The following PCDH15 variants were observed in gnomAD, a reference collection of about 807,000 sequenced individuals.
PCDH15 encodes protocadherin related 15.
PCDH15 carries 129 observed loss-of-function variants against 178.5 expected under a neutral mutation model. The observed-to-expected ratio is 0.72, with a 90% CI of 0.63 to 0.84. The LOEUF (loss-of-function observed/expected upper bound fraction) is 0.84. PCDH15 is among the 40% of genes least tolerant of loss of function. The pLI is 0.00. For missense variants in PCDH15, 2,230 were observed against 2,099.9 expected, an observed-to-expected ratio of 1.06 and a Z score of -1.21; for synonymous variants, 800 against 732.0, an observed-to-expected ratio of 1.09 and a Z score of -1.50.
chr10:54,879,749 A>G (rs759188944), intron 3 of PCDH15, among the ~76,000 whole-genome samples: 2 of 151,650 alleles, frequency 1.3e-5, no homozygotes, highest in African/African-American at 4.8e-5. Flanking sequence ...ATTATTATAT[A>G]TAACCAACAT....
At chr10:55,602,855 T>G (rs1843120147) in intron 2 of PCDH15, among the ~76,000 whole-genome samples, 1 of 152,112 alleles carries the variant, frequency 6.6e-6, no homozygotes, top group Non-Finnish European at 1.5e-5. Context: ...AGGAACACAG[T>G]TCCTCACCAG....
intron 3 of PCDH15, among the ~76,000 whole-genome samples, chr10:54,428,436 C>A (rs9415322): frequency 0.2 from 30,705 of 152,140 alleles, 3,814 homozygotes; most frequent in African/African-American, 0.35. Context: ...ACATAAACTA[C>A]ACATTATTCA....
intron 2 of PCDH15, among the ~76,000 whole-genome samples, chr10:54,563,275 T>C (rs559250299): frequency 1.9e-4 from 12 of 64,856 alleles, no homozygotes; most frequent in Non-Finnish European, 3.3e-4. Flanking sequence ...CTGAGTCTAC[T>C]GTTACCATAA....
intron 2 of PCDH15, among the ~76,000 whole-genome samples, chr10:55,153,708 C>G (rs1018720624): frequency 2.6e-5 from 4 of 152,072 alleles, no homozygotes; most frequent in Admixed American, 1.3e-4. Context: ...ATTTGTCTTC[C>G]ACAAAACCAG....
chr10:54,352,963 G>C (rs143435794), intron 5 of PCDH15, among the ~76,000 whole-genome samples: 3 of 152,170 alleles, frequency 2.0e-5, no homozygotes, highest in African/African-American at 7.2e-5. Flanking sequence ...TTTAGAAATG[G>C]TAAATTTAGA....
intron 1 of PCDH15, among the ~76,000 whole-genome samples, chr10:55,227,967 C>T (rs1351674226): frequency 7.2e-5 from 11 of 152,040 alleles, no homozygotes; most frequent in Non-Finnish European, 2.9e-5. Context: ...ACTGTTTGTC[C>T]TGGGGTATGC....
intron 2 of PCDH15, among the ~76,000 whole-genome samples, chr10:55,031,414 C>T (rs866815333): frequency 1.3e-5 from 2 of 152,200 alleles, no homozygotes; most frequent in Middle Eastern, 3.4e-3. Flanking sequence ...AGAAATTTAT[C>T]ATCTCATATA....
intron 1 of PCDH15, among the ~76,000 whole-genome samples, chr10:55,276,893 C>G (rs934243383): frequency 6.6e-6 from 1 of 151,944 alleles, no homozygotes; most frequent in Non-Finnish European, 1.5e-5. Context: ...TTTCTTACTT[C>G]CAATGAACTC....
intron 2 of PCDH15, among the ~76,000 whole-genome samples, chr10:55,596,675 T>G (rs1842941226): frequency 6.6e-6 from 1 of 152,192 alleles, no homozygotes; most frequent in African/African-American, 2.4e-5. Flanking sequence ...TGTATTTTAA[T>G]GTACGTTTTT....
chr10:54,459,090 A>G (rs952800414), intron 3 of PCDH15, among the ~76,000 whole-genome samples: 1 of 152,076 alleles, frequency 6.6e-6, no homozygotes. Flanking sequence ...TGGTGTATCT[A>G]CATGGTGCTA....
chr10:53,864,961 C>T (rs1345787639), intron 27 of PCDH15, among the ~76,000 whole-genome samples: 2 of 152,000 alleles, frequency 1.3e-5, no homozygotes, highest in Non-Finnish European at 2.9e-5. Flanking sequence ...TATAGCTAGG[C>T]ATGGTGGTGA....
intron 2 of PCDH15, among the ~76,000 whole-genome samples, chr10:55,351,499 A>G (rs1844932762): frequency 6.6e-6 from 1 of 152,118 alleles, no homozygotes; most frequent in Non-Finnish European, 1.5e-5. Context: ...ATAATAAATA[A>G]GCCTTCTCTA....
chr10:54,119,817 G>A (rs1238932823), intron 15 of PCDH15, among the ~76,000 whole-genome samples: 3 of 151,920 alleles, frequency 2.0e-5, no homozygotes, highest in Non-Finnish European at 4.4e-5. Context: ...TACATGTGCA[G>A]AACATGCAGG....
At chr10:55,316,945 A>G (rs1388857658) in intron 1 of PCDH15, among the ~76,000 whole-genome samples, 1 of 152,150 alleles carries the variant, frequency 6.6e-6, no homozygotes, top group Non-Finnish European at 1.5e-5. Context: ...ATCTGACTAG[A>G]TTCTAAATCT....
chr10:54,189,545 G>A (rs1040975652), intron 11 of PCDH15, among the ~76,000 whole-genome samples: 5 of 152,062 alleles, frequency 3.3e-5, no homozygotes, highest in South Asian at 4.2e-4. Flanking sequence ...ATGGAATAAC[G>A]ATATTTATGA....
chr10:54,752,538 AC>A (rs1566128962), intron 1 of PCDH15, among the ~76,000 whole-genome samples: 4 of 134,382 alleles, frequency 3.0e-5, no homozygotes, highest in South Asian at 2.4e-4. Context: ...ACAAAAAAAA[AC>A]AATAAAACAA....
At chr10:54,645,910 C>T (rs11004431) in intron 2 of PCDH15, among the ~76,000 whole-genome samples, 2,741 of 152,032 alleles carry the variant, frequency 0.018, 40 homozygotes, top group East Asian at 0.069. Context: ...GAGAAAGTTA[C>T]TATTATTCTT....
chr10:54,193,202 C>T (rs2049209358), intron 11 of PCDH15, among the ~76,000 whole-genome samples: 1 of 152,118 alleles, frequency 6.6e-6, no homozygotes, highest in South Asian at 2.1e-4. Flanking sequence ...CTGTCTTTTA[C>T]AAAGTTCCTT....
At chr10:54,736,181 A>G (rs1295984837) in intron 1 of PCDH15, among the ~76,000 whole-genome samples, 1 of 152,054 alleles carries the variant, frequency 6.6e-6, no homozygotes, top group Non-Finnish European at 1.5e-5. Flanking sequence ...GTGACCATAG[A>G]CAACAGTATC....
Sources: allele counts gnomAD v4.1 joint callset (sites outside exome capture counted in the v4.1 genomes callset), GRCh38; gene constraint gnomAD v4.1.1; transcripts MANE v1.5; gene names NCBI Gene and HGNC (gene_info 2026-07-23, HGNC 2026-07-21).